RNF111: variants seen among roughly 807,000 people sequenced by gnomAD.
RNF111 encodes ring finger protein 111, also known as E3 ubiquitin-protein ligase Arkadia.
In RNF111, 17 loss-of-function variants were observed where a neutral mutation model predicts 95.1. That is an observed-to-expected ratio of 0.18 (90% CI 0.12 to 0.27). The LOEUF (loss-of-function observed/expected upper bound fraction) is 0.27. Ranked by LOEUF, RNF111 falls within the 10% of genes least tolerant of loss-of-function variation. The pLI, the probability that RNF111 is intolerant of heterozygous loss-of-function variation, is 1.00. For missense variants in RNF111, 1,189 were observed against 1,210.4 expected (o/e 0.98, Z 0.26); for synonymous variants, 440 against 414.8 (o/e 1.06, Z -0.74).
chr15:59,094,760 TTTTG>T lies in RNF111; in HGVS notation c.2844-19_2844-16del. 1 of 1,379,802 alleles carries T rather than the reference TTTTG, an allele frequency of 7.2e-7. No homozygotes were observed. Among genetic ancestry groups the T allele is most frequent in the Non-Finnish European group, 1.0e-6 (1 of 966,640 alleles). The allele number at this position is 1,379,802 out of a possible 1,614,324, so 85.5% of individuals were successfully genotyped here. On this transcript the variant is annotated intron_variant, in intron 13 of 13. Coordinates refer to ENST00000348370, the MANE Select transcript of RNF111 (RefSeq NM_017610.8). ...AATTATCATAAAATTAATTTTTGCT[TTTTG>T]TTTTCTTGCCAATAATAGACGTCTT...
intron 1 of RNF111, among the ~76,000 whole-genome samples, chr15:58,994,181 G>A (rs954176488): frequency 6.6e-6 from 1 of 151,516 alleles, no homozygotes; most frequent in Non-Finnish European, 1.5e-5. Context: ...GGGATTAGAG[G>A]TGCACGCTAC....
In RNF111 at chr15:59,096,960, C is replaced by T. The variant is rs1317631350; in HGVS notation, c.*2060C>T. The T allele has an allele frequency of 6.6e-6, 1 of 152,140 alleles. No homozygotes were observed. Among genetic ancestry groups the T allele is most frequent in the African/African-American group, 2.4e-5 (1 of 41,432 alleles). The allele number at this position is 152,140 out of a possible 1,614,324, so 9.4% of individuals were successfully genotyped here. A position where few individuals can be genotyped will look rare whatever the true frequency, so the allele number is the denominator to read the frequency against. On this transcript the variant is annotated 3_prime_UTR_variant, in exon 14 of 14. Transcript: ENST00000348370. ...TACATCAGATTTAGATGCACGACTACCTGTTGACTTGTTTTATAATTGCTA... is the reference window on the plus strand; with the variant it reads ...TACATCAGATTTAGATGCACGACTATCTGTTGACTTGTTTTATAATTGCTA...
intron 4 of RNF111, 93 bp from the exon 5 acceptor site, chr15:59,058,263 A>T (rs1030209125): frequency 5.9e-6 from 6 of 1,018,148 alleles, no homozygotes; most frequent in Non-Finnish European, 7.1e-6. Flanking sequence ...AAGTTTTTTT[A>T]TTTATTAATT....
At chr15:59,016,194 A>G (rs1471712707) in intron 1 of RNF111, among the ~76,000 whole-genome samples, 1 of 146,588 alleles carries the variant, frequency 6.8e-6, no homozygotes, top group Non-Finnish European at 1.5e-5. Context: ...TTTTAGAGAT[A>G]GAGTCTTGCT....
chr15:59,035,395 C>G (rs769708663), intron 2 of RNF111, among the ~76,000 whole-genome samples: 3 of 152,174 alleles, frequency 2.0e-5, no homozygotes, highest in Non-Finnish European at 4.4e-5. Flanking sequence ...AAAGTCTCAT[C>G]TGAGACAAGG....
intron 1 of RNF111, among the ~76,000 whole-genome samples, chr15:58,998,839 C>T (rs1228208082): frequency 6.6e-6 from 1 of 152,178 alleles, no homozygotes; most frequent in Non-Finnish European, 1.5e-5. Context: ...TTTACTGTTA[C>T]ATAATGAAAT....
At chr15:59,041,018 C>A (rs780700200) in intron 2 of RNF111, among the ~76,000 whole-genome samples, 2 of 152,006 alleles carry the variant, frequency 1.3e-5, no homozygotes, top group African/African-American at 4.8e-5. Context: ...CAAAATATGA[C>A]CCCCTTCTCT....
chr15:59,039,408 T>C (rs1211826284), intron 2 of RNF111, among the ~76,000 whole-genome samples: 3 of 152,268 alleles, frequency 2.0e-5, no homozygotes, highest in African/African-American at 4.8e-5. Flanking sequence ...TTTTCTTCTT[T>C]CATTTACCAC....
At chr15:58,995,144 T>C (rs545343270) in intron 1 of RNF111, among the ~76,000 whole-genome samples, 24 of 152,242 alleles carry the variant, frequency 1.6e-4, no homozygotes, top group Non-Finnish European at 3.5e-4. Context: ...CAGATCATCC[T>C]GTTCCTCATC....
rs576933490 is a variant in RNF111 at position 59,033,327 on chromosome 15, A to G, written c.880+1625A>G. On this transcript the variant is annotated intron_variant, in intron 2 of 13. Coordinates refer to ENST00000348370, the MANE Select transcript of RNF111 (RefSeq NM_017610.8). ...TCATCTGTATTTTTCTCTTTTTGCC[A>G]GAACCCTAAACCAGTAACCTTGTTA... is the stretch of plus-strand genomic sequence containing the variant. Among the ~76,000 whole-genome samples, 189 of 152,218 alleles carry G rather than the reference A, an allele frequency of 1.2e-3. 3 individuals are homozygous for G. In the Middle Eastern group the frequency reaches 0.017, roughly 14 times the overall value.
intron 2 of RNF111, among the ~76,000 whole-genome samples, chr15:59,049,908 A>G (rs1200213707): frequency 2.7e-5 from 4 of 149,944 alleles, no homozygotes; most frequent in African/African-American, 4.9e-5. Flanking sequence ...CACCCGGCTA[A>G]TTTTTGTGTT....
chr15:59,046,867 T>A (rs927961033), intron 2 of RNF111, among the ~76,000 whole-genome samples: 3 of 152,140 alleles, frequency 2.0e-5, no homozygotes, highest in Non-Finnish European at 2.9e-5. Flanking sequence ...CTCTTTATTT[T>A]TTATTATTAT....
intron 1 of RNF111, among the ~76,000 whole-genome samples, chr15:59,013,635 C>T (rs569965546): frequency 7.9e-5 from 12 of 152,232 alleles, no homozygotes; most frequent in African/African-American, 2.9e-4. Flanking sequence ...CAGGTTTCTC[C>T]ACTATAAAGT....
In RNF111 at chr15:59,017,753, CTTTT is replaced by C. The variant is rs200975904; in HGVS notation, c.-19-13033_-19-13030del. ...GGTTTGTTACATTATTTGTTGAACT[CTTTT>C]TTTTTTTTTTTTTTTTTGAGATGGA... On this transcript the variant is annotated intron_variant, in intron 1 of 13. Transcript: ENST00000348370. Among the ~76,000 whole-genome samples the C allele has an allele frequency of 4.6e-3, 558 of 120,942 alleles. 3 individuals carry two copies. Among genetic ancestry groups the C allele is most frequent in the Middle Eastern group, 0.045 (10 of 220 alleles). The allele number at this position is 120,942 out of a possible 152,430, so 79.3% of individuals were successfully genotyped here.
In RNF111 at chr15:59,081,175, C is replaced by G. The variant is rs1172269001; in HGVS notation, c.2188C>G (p.Pro730Ala). 6.2e-7 allele frequency: 1 copy of G among 1,614,174 alleles called. No homozygotes were observed. The highest frequency in any genetic ancestry group is 1.7e-5 in the Admixed American group (1 of 60,030). The change falls in exon 8 of 14, where the codon CCA becomes GCA. Residue 730 changes from proline to alanine, a missense_variant. By Grantham distance (27) the Pro-to-Ala change is conservative (BLOSUM62 -1). Around this residue, in one of 2 missense-constraint regions of RNF111, gnomAD observed 1,024 missense variants for 925.9 expected, o/e 1.11. Transcript: ENST00000348370. ...IPQHLPPTHQ[P>A]ISHHIPATAP... The stretch of plus-strand genomic sequence containing the variant: ...TCAGCATCTTCCTCCTACACACCAG[C>G]CAATTTCGCACCATATTCCAGCCAC...
rs1159506776 is a variant in RNF111 at position 59,071,077 on chromosome 15, C to T, written c.1686+3994C>T. Among the ~76,000 whole-genome samples the T allele has an allele frequency of 2.3e-4, 35 of 151,656 alleles. 2 individuals carry two copies. The highest frequency in any genetic ancestry group is 2.3e-3 in the Admixed American group (35 of 15,216). ...CTTTGGGAGGCTGAGGCAGGCGGAT[C>T]ATGAAGTCAGGAGATTGAGACCATC... On this transcript the variant is annotated intron_variant, in intron 6 of 13. Transcript: ENST00000348370.
intron 1 of RNF111, among the ~76,000 whole-genome samples, chr15:59,005,046 TG>T (rs2039477871): frequency 6.6e-6 from 1 of 152,308 alleles, no homozygotes; most frequent in African/African-American, 2.4e-5. Context: ...ATTTTTTTCT[TG>T]TCAAGTTCAC....
At chr15:59,035,155 T>C (rs1423413262) in intron 2 of RNF111, among the ~76,000 whole-genome samples, 1 of 151,760 alleles carries the variant, frequency 6.6e-6, no homozygotes, top group Non-Finnish European at 1.5e-5. Flanking sequence ...CATGAGAACA[T>C]GGTATGTGGG....
At chr15:59,034,096 G>A (rs2041052191) in intron 2 of RNF111, among the ~76,000 whole-genome samples, 1 of 152,138 alleles carries the variant, frequency 6.6e-6, no homozygotes, top group Non-Finnish European at 1.5e-5. Flanking sequence ...ATCTCCTTCA[G>A]AAAATGTGAA....
Sources: allele counts gnomAD v4.1 joint callset (sites outside exome capture counted in the v4.1 genomes callset), GRCh38; gene constraint gnomAD v4.1.1; regional missense constraint gnomAD v4.1.1; transcripts MANE v1.5; gene names NCBI Gene and HGNC (gene_info 2026-07-23, HGNC 2026-07-21).